The following BCAP31 variants were observed in gnomAD, a reference collection of about 807,000 sequenced individuals.
BCAP31 encodes the protein B-cell receptor-associated protein 31.
For synonymous variants in BCAP31, 75 were observed against 80.9 expected (o/e 0.93, Z 0.39); for missense variants, 124 against 193.0 (o/e 0.64, Z 2.12).
At chrX:153,715,810 A>C (rs1369654957) in intron 3 of BCAP31, 121 bp from the exon 4 acceptor site, 10 of 860,698 alleles carry the variant, frequency 1.2e-5, no homozygotes, top group East Asian at 6.3e-5. Flanking sequence ...CCGCCTCCCC[A>C]GTTCTTCCCA....
Position 153,723,298 on chromosome X carries a change from C to A in BCAP31, c.-44-10G>T. ...GATGTGAGCTTGTTTCCTGGCAGGG[C>A]ACAAAAGGTACGGGACTTGTAAGCG... On this transcript the variant is annotated splice_polypyrimidine_tract_variant and intron_variant, in intron 1 of 7. Transcript: ENST00000345046. 1.7e-6 allele frequency: 2 copies of A among 1,188,851 alleles called. No individual in the cohort carries two copies. The highest frequency in any genetic ancestry group is 1.1e-6 in the Non-Finnish European group (1 of 883,851).
chrX:153,721,435 C>CA (rs782544895), intron 2 of BCAP31, among the ~76,000 whole-genome samples: 2,687 of 32,252 alleles, frequency 0.083, 56 homozygotes, highest in African/African-American at 0.12. Flanking sequence ...GACCTTGTCT[C>CA]AAAAAAAAAA....
intron 4 of BCAP31, among the ~76,000 whole-genome samples, chrX:153,712,922 C>G (rs979286809): frequency 2.7e-5 from 3 of 111,653 alleles, no homozygotes; most frequent in East Asian, 5.6e-4. Context: ...AAAAACAAAG[C>G]AGGCCAGGCG....
At chrX:153,704,938 A>T (rs1462521376) in intron 4 of BCAP31, 2 of 112,144 alleles carry the variant, frequency 1.8e-5, no homozygotes, top group Admixed American at 1.9e-4. Flanking sequence ...GGCAGATGCT[A>T]GTCCCCAAAC....
intron 4 of BCAP31, among the ~76,000 whole-genome samples, chrX:153,712,135 G>A (rs1218391766): frequency 1.8e-5 from 2 of 110,585 alleles, no homozygotes; most frequent in African/African-American, 6.6e-5. Flanking sequence ...CAAGAACGCT[G>A]GAGAGGCCAG....
intron 5 of BCAP31, 96 bp downstream of exon 5, chrX:153,703,863 G>GT: frequency 9.0e-7 from 1 of 1,114,491 alleles, no homozygotes; most frequent in Admixed American, 2.5e-5. Flanking sequence ...ATTTCCCAGC[G>GT]TGACAGGCTA....
At chrX:153,709,696 C>T (rs2091576930) in intron 4 of BCAP31, among the ~76,000 whole-genome samples, 2 of 113,092 alleles carry the variant, frequency 1.8e-5, no homozygotes, top group Non-Finnish European at 3.7e-5. Flanking sequence ...GCTCCTAAGA[C>T]CTGAAAAGCT....
At chrX:153,717,304 C>G (rs1469514394) in intron 3 of BCAP31, among the ~76,000 whole-genome samples, 1 of 112,450 alleles carries the variant, frequency 8.9e-6, no homozygotes, top group Non-Finnish European at 1.9e-5. Flanking sequence ...AGAAATTGAG[C>G]CACGCCAAAC....
chrX:153,706,237 C>T (rs1422629188), intron 4 of BCAP31, among the ~76,000 whole-genome samples: 2 of 110,733 alleles, frequency 1.8e-5, no homozygotes, highest in African/African-American at 6.6e-5. Context: ...ACCCCCAGCC[C>T]GATAGTTCTT....
chrX:153,702,828 G>A (rs1569539905), intron 6 of BCAP31, 107 bp downstream of exon 6: 27 of 1,074,907 alleles, frequency 2.5e-5, no homozygotes, highest in Middle Eastern at 3.7e-4. Context: ...GCCCTCGAGC[G>A]TGCGTGCAAG....
chrX:153,700,994 C>T lies in BCAP31; in HGVS notation c.703-19G>A. ...CTGCAGCCTGGAAAGGGACAGAAAT[C>T]CCACAGCAGTAGGTTGGCCGGGTCC... On this transcript the variant is annotated intron_variant, in intron 7 of 7. Transcript: ENST00000345046. 1 of 1,202,549 alleles carries T rather than the reference C, an allele frequency of 8.3e-7. No individual in the cohort carries two copies. The highest frequency in any genetic ancestry group is 1.1e-6 in the Non-Finnish European group (1 of 890,441).
At chrX:153,703,604 G>A (rs1243730557) in intron 5 of BCAP31, among the ~76,000 whole-genome samples, 5 of 113,030 alleles carry the variant, frequency 4.4e-5, no homozygotes, top group Non-Finnish European at 7.5e-5. Context: ...CCGAGTTCCA[G>A]AGGGGGTGCG....
chrX:153,702,160 G>C, intron 6 of BCAP31, 53 bp from the exon 7 acceptor site: 4 of 1,093,909 alleles, frequency 3.7e-6, no homozygotes, highest in Non-Finnish European at 5.0e-6. Context: ...CAGGAATTAG[G>C]GGGAAAAAAC....
intron 3 of BCAP31, among the ~76,000 whole-genome samples, chrX:153,719,983 C>T (rs1043822964): frequency 1.8e-5 from 2 of 111,699 alleles, no homozygotes; most frequent in Admixed American, 9.5e-5. Context: ...GCTGGAACGA[C>T]CTGGGAAAAC....
chrX:153,715,966 T>G (rs782361414), intron 3 of BCAP31, among the ~76,000 whole-genome samples: 2 of 106,616 alleles, frequency 1.9e-5, no homozygotes, highest in South Asian at 8.3e-4. Context: ...GAGACAAGCC[T>G]GGCCAACATG....
intron 4 of BCAP31, among the ~76,000 whole-genome samples, chrX:153,708,572 C>T (rs1557048635): frequency 8.8e-6 from 1 of 113,001 alleles, no homozygotes; most frequent in Non-Finnish European, 1.9e-5. Context: ...CTTTCCAGGC[C>T]TACCGCAGGG....
intron 3 of BCAP31, 96 bp downstream of exon 3, chrX:153,720,776 C>A: frequency 2.4e-6 from 2 of 821,732 alleles, no homozygotes; most frequent in Non-Finnish European, 3.6e-6. Context: ...CTCCTAGCAG[C>A]CAAAACTGGA....
intron 4 of BCAP31, among the ~76,000 whole-genome samples, chrX:153,713,151 G>C (rs1317483587): frequency 9.0e-5 from 10 of 111,227 alleles, no homozygotes; most frequent in Non-Finnish European, 1.9e-4. Context: ...AGCTTGCAGT[G>C]AGCCGAGATC....
intron 4 of BCAP31, 183 bp downstream of exon 4, chrX:153,715,359 G>A (rs2091619660): frequency 3.2e-6 from 2 of 615,404 alleles, no homozygotes; most frequent in Non-Finnish European, 5.0e-6. Context: ...TACTCTCCAC[G>A]CTGCCTCTGG....
Sources: gnomAD v4.1 joint callset for allele counts (sites outside exome capture counted in the v4.1 genomes callset) on GRCh38, gnomAD v4.1.1 for gene constraint, MANE v1.5 for transcripts, NCBI Gene and HGNC (gene_info 2026-07-23, HGNC 2026-07-21) for gene names.